PPP2CB: variants seen among roughly 807,000 people sequenced by gnomAD.
The protein encoded by PPP2CB is protein phosphatase 2 catalytic subunit beta, also known as serine/threonine-protein phosphatase 2A catalytic subunit beta isoform.
A neutral mutation model predicts 39.1 loss-of-function variants in PPP2CB; 18 were observed. The observed-to-expected ratio is 0.46, with a 90% CI of 0.32 to 0.68. PPP2CB has a LOEUF of 0.68. Ranked by LOEUF, PPP2CB falls within the 30% of genes least tolerant of loss-of-function variation. The pLI is 0.04. For synonymous variants in PPP2CB, 129 were observed against 133.8 expected (o/e 0.96, Z 0.25); for missense variants, 226 against 396.9 (o/e 0.57, Z 3.66).
intron 5 of PPP2CB, among the ~76,000 whole-genome samples, chr8:30,792,069 T>C (rs897342439): frequency 8.6e-5 from 13 of 151,996 alleles, no homozygotes; most frequent in African/African-American, 2.4e-4. Flanking sequence ...TATGTGTGTA[T>C]ATACACACAC....
At chr8:30,810,437 T>C (rs1268281976) in intron 1 of PPP2CB, among the ~76,000 whole-genome samples, 1 of 152,240 alleles carries the variant, frequency 6.6e-6, no homozygotes, top group Non-Finnish European at 1.5e-5. Context: ...GGCGACAGAC[T>C]GAGCCTCTGT....
At chr8:30,806,174 A>G (rs1489895494) in intron 1 of PPP2CB, among the ~76,000 whole-genome samples, 1 of 150,298 alleles carries the variant, frequency 6.7e-6, no homozygotes, top group Non-Finnish European at 1.5e-5. Flanking sequence ...CAGCCTCCCG[A>G]GTAGCTGGGC....
intron 5 of PPP2CB, among the ~76,000 whole-genome samples, chr8:30,792,324 G>A (rs1806452072): frequency 1.3e-5 from 2 of 151,986 alleles, no homozygotes; most frequent in African/African-American, 4.8e-5. Context: ...CAAAGTGCTG[G>A]GAATAGAGGC....
chr8:30,797,292 T>C (rs1011742283), intron 3 of PPP2CB, among the ~76,000 whole-genome samples: 16 of 152,256 alleles, frequency 1.1e-4, no homozygotes, highest in Non-Finnish European at 2.2e-4. Flanking sequence ...TATACATCAG[T>C]GTCTTAAACA....
At chr8:30,797,780 A>G (rs752409837) in intron 2 of PPP2CB, 26 bp from the exon 3 acceptor site, 1 of 1,604,042 alleles carries the variant, frequency 6.2e-7, no homozygotes, top group East Asian at 2.2e-5. Flanking sequence ...TAAAACCCAT[A>G]GTAAAATCAC....
intron 6 of PPP2CB, chr8:30,786,546 C>T (rs993007306): frequency 3.5e-6 from 1 of 283,834 alleles, no homozygotes; most frequent in Non-Finnish European, 6.2e-6. Context: ...CCTGGCATAA[C>T]AATTTCTAAA....
chr8:30,812,267 C>A, intron 1 of PPP2CB, 53 bp downstream of exon 1: 1 of 1,343,164 alleles, frequency 7.4e-7, no homozygotes. Flanking sequence ...GGCAGGAAAG[C>A]GGCGGCCCGT....
intron 6 of PPP2CB, 126 bp from the exon 7 acceptor site, chr8:30,786,433 G>T: frequency 1.4e-6 from 1 of 713,058 alleles, no homozygotes; most frequent in Non-Finnish European, 2.3e-6. Context: ...ATCACTTACG[G>T]CTGGAATGGC....
At chr8:30,787,816 A>G (rs917046489) in intron 6 of PPP2CB, among the ~76,000 whole-genome samples, 1 of 152,070 alleles carries the variant, frequency 6.6e-6, no homozygotes, top group African/African-American at 2.4e-5. Context: ...CAATCCTCTC[A>G]GCTTGGCCTC....
At chr8:30,786,421 ACAT>A (rs1806342682) in intron 6 of PPP2CB, 114 bp from the exon 7 acceptor site, 1 of 810,376 alleles carries the variant, frequency 1.2e-6, no homozygotes, top group African/African-American at 1.7e-5. Context: ...CACCATGACT[ACAT>A]CACTTACGGC....
intron 5 of PPP2CB, among the ~76,000 whole-genome samples, chr8:30,792,135 C>T (rs1410470177): frequency 6.6e-6 from 1 of 151,990 alleles, no homozygotes; most frequent in Non-Finnish European, 1.5e-5. Context: ...AGACTCACTG[C>T]AACCTCCAAC....
chr8:30,788,452 C>T (rs757892636), intron 6 of PPP2CB, among the ~76,000 whole-genome samples: 1 of 152,004 alleles, frequency 6.6e-6, no homozygotes, highest in East Asian at 1.9e-4. Flanking sequence ...TTTGTAGAGA[C>T]GGGGTCTCCC....
rs574017062 is a variant in PPP2CB at position 30,811,169 on chromosome 8, C to T, written c.102+1151G>A. Among the ~76,000 whole-genome samples, 353 of 152,282 alleles carry T rather than the reference C, an allele frequency of 2.3e-3. 2 individuals carry two copies. The highest frequency in any genetic ancestry group is 8.1e-3 in the African/African-American group (335 of 41,532). On this transcript the variant is annotated intron_variant, in intron 1 of 6. Coordinates refer to ENST00000221138, the MANE Select transcript of PPP2CB (RefSeq NM_001009552.2). Reference sequence around the variant, plus strand: ...GATACAGAATTTACAAAGTGAAGATCACACACTCACGATGTACAAGAACGA... The same window carrying T: ...GATACAGAATTTACAAAGTGAAGATTACACACTCACGATGTACAAGAACGA...
Position 30,812,802 on chromosome 8 carries a change from G to C in PPP2CB, c.-381C>G, listed in dbSNP as rs764619945. 4.3e-6 allele frequency: 2 copies of C among 461,812 alleles called. No individual in the cohort carries two copies. The highest frequency in any genetic ancestry group is 3.1e-5 in the South Asian group (2 of 64,600). 28.6% of individuals were successfully genotyped at this position (461,812 alleles called of 1,614,324 possible). On this transcript the variant is annotated 5_prime_UTR_variant, in exon 1 of 7. Transcript: ENST00000221138. ...CACGCCTACCGGCCTCTCCCGACTT[G>C]TCTTTCCCCTTCTCTCGCTCTTTCT...
rs182723981 is a variant in PPP2CB at position 30,799,175 on chromosome 8, G to A, written c.312+371C>T. Among the ~76,000 whole-genome samples, 3 of 152,310 alleles carry A rather than the reference G, an allele frequency of 2.0e-5. No individual in the cohort carries two copies. In the East Asian group the frequency reaches 5.8e-4, roughly 29 times the overall value. ...TCAGATCTTGGAGGCAGAAATATTA[G>A]TTACTAAGCTATTGTAACAATCGAA... is the stretch of plus-strand genomic sequence containing the variant. On this transcript the variant is annotated intron_variant, in intron 2 of 6. Coordinates refer to ENST00000221138, the MANE Select transcript of PPP2CB (RefSeq NM_001009552.2).
chr8:30,792,863 T>C lies in PPP2CB; in HGVS notation c.738+1054A>G, dbSNP rs371685815. 5.3e-5 allele frequency among the ~76,000 whole-genome samples: 8 copies of C among 152,288 alleles called. No individual in the cohort carries two copies. The East Asian group carries it at 1.3e-3, about 26-fold the overall frequency. On this transcript the variant is annotated intron_variant, in intron 5 of 6. Coordinates refer to ENST00000221138, the MANE Select transcript of PPP2CB (RefSeq NM_001009552.2). ...ATTTTAGTCTCTTTCTTATAATCACTGATATAATTAAATTTATTTTTACTA... is the reference window on the plus strand; with the variant it reads ...ATTTTAGTCTCTTTCTTATAATCACCGATATAATTAAATTTATTTTTACTA...
intron 3 of PPP2CB, among the ~76,000 whole-genome samples, chr8:30,796,771 T>C (rs1332434206): frequency 6.6e-6 from 1 of 152,188 alleles, no homozygotes; most frequent in Non-Finnish European, 1.5e-5. Flanking sequence ...GCATAATTTC[T>C]TCTTATACTT....
chr8:30,790,008 T>A (rs1328140379), intron 6 of PPP2CB, among the ~76,000 whole-genome samples: 1 of 152,176 alleles, frequency 6.6e-6, no homozygotes, highest in Non-Finnish European at 1.5e-5. Context: ...CATTCTCCCC[T>A]GTGTGTGTTT....
rs1405947019 is a variant in PPP2CB, at chr8:30,812,335, C to T, written c.87G>A (p.Arg29=). 1 of 1,546,320 alleles carries T rather than the reference C, an allele frequency of 6.5e-7. No homozygotes were observed. Among genetic ancestry groups the T allele is most frequent in the Non-Finnish European group, 8.7e-7 (1 of 1,143,218 alleles). Residue 29 remains arginine (R), a synonymous_variant, in exon 1 of 7, where the codon CGG becomes CGA. Coordinates refer to ENST00000221138, the MANE Select transcript of PPP2CB (RefSeq NM_001009552.2). ...ECKQLNENQV[R]TLCEKAKEIL... Reference sequence around the variant, plus strand: ...GCGCCCTCACCTTCTCGCACAGCGTCCGCACTTGGTTCTCGTTCAGCTGCT... The same window carrying T: ...GCGCCCTCACCTTCTCGCACAGCGTTCGCACTTGGTTCTCGTTCAGCTGCT...
Sources: allele counts gnomAD v4.1 joint callset (sites outside exome capture counted in the v4.1 genomes callset), GRCh38; gene constraint gnomAD v4.1.1; transcripts MANE v1.5; gene names NCBI Gene and HGNC (gene_info 2026-07-23, HGNC 2026-07-21).